Variants in SH3RF2 observed in about 807,000 individuals in gnomAD.
The protein encoded by SH3RF2 is SH3 domain containing ring finger 2.
SH3RF2 carries 43 observed loss-of-function variants against 59.0 expected under a neutral mutation model. That is an observed-to-expected ratio of 0.73 (90% confidence interval 0.57 to 0.94). SH3RF2 has a LOEUF of 0.94. SH3RF2 is among the 40% of genes least tolerant of loss of function. The probability of loss-of-function intolerance (pLI) is 0.00; values close to 1 mark genes in which losing one functional copy is unlikely to be tolerated. For missense variants in SH3RF2, 930 were observed against 940.1 expected (o/e 0.99, Z 0.14); for synonymous variants, 391 against 391.5 (o/e 1.00, Z 0.01).
chr5:145,998,030 G>A, intron 2 of SH3RF2: 3 of 633,606 alleles, frequency 4.7e-6, no homozygotes, highest in Non-Finnish European at 8.6e-6. Context: ...TGCATAGAGA[G>A]ACTACATAGA....
chr5:146,068,578 C>T (rs1442281005), intron 9 of SH3RF2, among the ~76,000 whole-genome samples: 1 of 152,200 alleles, frequency 6.6e-6, no homozygotes, highest in Non-Finnish European at 1.5e-5. Context: ...GACGTTAACT[C>T]CAAATATCCT....
At chr5:145,975,779 C>T (rs1759269455) in intron 2 of SH3RF2, among the ~76,000 whole-genome samples, 1 of 152,270 alleles carries the variant, frequency 6.6e-6, no homozygotes, top group African/African-American at 2.4e-5. Context: ...CCTACTGGGG[C>T]AGTGCCTAGC....
intron 4 of SH3RF2, among the ~76,000 whole-genome samples, chr5:146,004,700 TATGGAGAATAAATAA>T (rs1486771512): frequency 6.8e-6 from 1 of 147,832 alleles, no homozygotes; most frequent in East Asian, 2.0e-4. Flanking sequence ...GAATAATATT[TATGGAGAATAAATAA>T]ATGGAGAATA....
chr5:146,038,688 T>A (rs1232377135), intron 5 of SH3RF2, among the ~76,000 whole-genome samples: 1 of 152,216 alleles, frequency 6.6e-6, no homozygotes, highest in Non-Finnish European at 1.5e-5. Context: ...AGTGGAGAAT[T>A]ATGCAATGTT....
chr5:145,943,336 C>T lies in SH3RF2; in HGVS notation c.378+5030C>T, dbSNP rs1757890811. 2.0e-5 allele frequency among the ~76,000 whole-genome samples: 3 copies of T among 151,626 alleles called. No individual in the cohort carries two copies. In the South Asian group the frequency reaches 6.2e-4, roughly 32 times the overall value. ...GTCAGTGGTAGCCAGGGGTTATGGA[C>T]TGGGGGAGGATGGGACCAAAAAGGG... is the stretch of plus-strand genomic sequence containing the variant. On this transcript the variant is annotated intron_variant, in intron 2 of 9. Coordinates refer to ENST00000359120, the MANE Select transcript of SH3RF2 (RefSeq NM_152550.4).
At chr5:146,072,770 T>G (rs1038384862) in intron 9 of SH3RF2, among the ~76,000 whole-genome samples, 1 of 152,210 alleles carries the variant, frequency 6.6e-6, no homozygotes, top group East Asian at 1.9e-4. Flanking sequence ...ACTACAGGGT[T>G]GCTAAGAGCC....
At chr5:146,064,229 G>C (rs1762990699), downstream of SH3RF2, among the ~76,000 whole-genome samples, 1 of 134,164 alleles carries the variant, frequency 7.5e-6, no homozygotes, top group Non-Finnish European at 1.7e-5. Flanking sequence ...GAAAGCACAG[G>C]AAGAGGCTAA....
chr5:146,042,114 G>A (rs1278179277), intron 5 of SH3RF2, among the ~76,000 whole-genome samples: 1 of 152,154 alleles, frequency 6.6e-6, no homozygotes, highest in Non-Finnish European at 1.5e-5. Context: ...CGCAAGGCAA[G>A]AGCCCTGGAG....
intron 4 of SH3RF2, among the ~76,000 whole-genome samples, chr5:146,012,114 C>A (rs1760928414): frequency 6.6e-6 from 1 of 152,098 alleles, no homozygotes; most frequent in Non-Finnish European, 1.5e-5. Flanking sequence ...TTATCAAAGG[C>A]CTTTTCTGCA....
At chr5:146,071,400 C>T (rs990993920) in intron 9 of SH3RF2, among the ~76,000 whole-genome samples, 1 of 152,220 alleles carries the variant, frequency 6.6e-6, no homozygotes, top group Admixed American at 6.5e-5. Flanking sequence ...AACAGTCAAA[C>T]AGTCAGAAGG....
At chr5:146,028,038 G>A (rs986463093) in intron 5 of SH3RF2, among the ~76,000 whole-genome samples, 1 of 152,096 alleles carries the variant, frequency 6.6e-6, no homozygotes, top group Non-Finnish European at 1.5e-5. Flanking sequence ...TCACTGAGAC[G>A]ACCCAACCCT....
intron 9 of SH3RF2, among the ~76,000 whole-genome samples, chr5:146,072,549 T>C (rs758649627): frequency 3.1e-4 from 47 of 152,202 alleles, no homozygotes; most frequent in Non-Finnish European, 5.6e-4. Context: ...CGGGCACCTG[T>C]AGTCCCAGCT....
chr5:145,950,644 A>C (rs1463632412), intron 2 of SH3RF2, among the ~76,000 whole-genome samples: 3 of 152,130 alleles, frequency 2.0e-5, no homozygotes, highest in Non-Finnish European at 4.4e-5. Context: ...CCGGAGAAGA[A>C]GGAGGAGAAA....
Position 146,070,262 on chromosome 5 carries a change from G to A in SH3RF2, c.*33+7528G>A, listed in dbSNP as rs144804819. 1.4e-4 allele frequency among the ~76,000 whole-genome samples: 21 copies of A among 152,282 alleles called. 1 individual carries two copies. The East Asian group carries it at 3.7e-3, about 27-fold the overall frequency. On this transcript the variant is annotated intron_variant, in intron 9 of 9. Transcript: ENST00000511217. ...GGCAACTATCAACGTGGTTGAGATT[G>A]GAGAGCATGGACAAATGAGATGTGC...
intron 2 of SH3RF2, among the ~76,000 whole-genome samples, chr5:145,968,187 G>A (rs1758940155): frequency 6.6e-6 from 1 of 152,154 alleles, no homozygotes; most frequent in African/African-American, 2.4e-5. Context: ...TGCACTTATT[G>A]ATTTAATAAT....
intron 5 of SH3RF2, among the ~76,000 whole-genome samples, chr5:146,034,107 C>T (rs889685405): frequency 5.3e-5 from 8 of 152,262 alleles, no homozygotes. Context: ...TTCTCCCCTT[C>T]TTAATGCAAA....
intron 4 of SH3RF2, among the ~76,000 whole-genome samples, chr5:146,007,081 C>A (rs767747398): frequency 6.6e-6 from 1 of 152,196 alleles, no homozygotes; most frequent in African/African-American, 2.4e-5. Context: ...ACACGTGAAA[C>A]ACTGGGTATC....
intron 5 of SH3RF2, among the ~76,000 whole-genome samples, chr5:146,039,805 T>A (rs913607829): frequency 1.3e-5 from 2 of 152,194 alleles, no homozygotes; most frequent in African/African-American, 4.8e-5. Context: ...TACAAAAATG[T>A]TCATAGTAAC....
Position 146,062,719 on chromosome 5 carries a change from C to G in SH3RF2, c.*18C>G, listed in dbSNP as rs376281956. ...GCAAATGAACCTACGGGTGGCTTTT[C>G]CTAGACCCCAAAGAGGTGAATTGCA... is the stretch of plus-strand genomic sequence containing the variant. On this transcript the variant is annotated 3_prime_UTR_variant, in exon 10 of 10. Transcript: ENST00000359120. The G allele has an allele frequency of 3.1e-6, 5 of 1,605,502 alleles. No individual in the cohort carries two copies. The African/African-American group carries it at 6.7e-5, about 21-fold the overall frequency.
Sources: gnomAD v4.1 joint callset for allele counts (sites outside exome capture counted in the v4.1 genomes callset) on GRCh38, gnomAD v4.1.1 for gene constraint, MANE v1.5 for transcripts, NCBI Gene and HGNC (gene_info 2026-07-23, HGNC 2026-07-21) for gene names.